GPM6A: variants seen among roughly 807,000 people sequenced by gnomAD.
GPM6A encodes the protein neuronal membrane glycoprotein M6-a.
A neutral mutation model predicts 32.1 loss-of-function variants in GPM6A; 7 were observed. That is an observed-to-expected ratio of 0.22 (90% CI 0.12 to 0.41). GPM6A has a LOEUF of 0.41. Among genes scored for constraint, GPM6A ranks in the 10% least tolerant of loss-of-function variants. The pLI is 1.00. For synonymous variants in GPM6A, 130 were observed against 123.4 expected, an observed-to-expected ratio of 1.05 and a Z score of -0.35; for missense variants, 235 against 347.2, an observed-to-expected ratio of 0.68 and a Z score of 2.57.
chr4:175,938,169 G>C (rs1739297336), intron 1 of GPM6A, among the ~76,000 whole-genome samples: 1 of 152,172 alleles, frequency 6.6e-6, no homozygotes, highest in South Asian at 2.1e-4. Context: ...TTTGATAGCA[G>C]AATAGGGTGA....
intron 5 of GPM6A, 53 bp from the exon 6 acceptor site, chr4:175,640,247 G>C: frequency 1.4e-6 from 2 of 1,413,706 alleles, no homozygotes; most frequent in South Asian, 2.3e-5. Flanking sequence ...AGGTAGAAGA[G>C]AAGTCAAGAT....
At chr4:175,947,908 C>A (rs560843847) in intron 1 of GPM6A, among the ~76,000 whole-genome samples, 1 of 152,058 alleles carries the variant, frequency 6.6e-6, no homozygotes, top group Non-Finnish European at 1.5e-5. Flanking sequence ...ACAGTAGGCA[C>A]TTGATAATTA....
At chr4:175,961,198 T>C (rs1485899548) in intron 1 of GPM6A, 1 of 152,198 alleles carries the variant, frequency 6.6e-6, no homozygotes, top group Non-Finnish European at 1.5e-5. Flanking sequence ...TATCATCCTC[T>C]CGAAATATGC....
intron 1 of GPM6A, among the ~76,000 whole-genome samples, chr4:175,903,760 G>T (rs1405474619): frequency 1.3e-5 from 2 of 152,098 alleles, no homozygotes; most frequent in Non-Finnish European, 2.9e-5. Context: ...AACAATGGTT[G>T]AGAAACTCTT....
At chr4:175,853,236 T>C (rs1225121126) in intron 1 of GPM6A, among the ~76,000 whole-genome samples, 2 of 152,104 alleles carry the variant, frequency 1.3e-5, no homozygotes, top group African/African-American at 4.8e-5. Flanking sequence ...CTAATACATA[T>C]TTAGAGTGAT....
At chr4:175,886,147 C>T (rs769825168) in intron 1 of GPM6A, among the ~76,000 whole-genome samples, 3 of 152,080 alleles carry the variant, frequency 2.0e-5, no homozygotes, top group Admixed American at 2.0e-4. Context: ...ATAAAACACA[C>T]TGTCTCAGAT....
At chr4:175,953,363 A>G (rs891379430) in intron 1 of GPM6A, among the ~76,000 whole-genome samples, 35 of 152,310 alleles carry the variant, frequency 2.3e-4, no homozygotes, top group African/African-American at 8.2e-4. Context: ...ATGACTCCGG[A>G]AATAGCATTT....
intron 2 of GPM6A, among the ~76,000 whole-genome samples, chr4:175,683,501 G>A (rs913589583): frequency 1.3e-5 from 2 of 152,058 alleles, no homozygotes; most frequent in African/African-American, 4.8e-5. Flanking sequence ...GTCCAGGAGT[G>A]GAGTGATATA....
rs192460904 is a variant in GPM6A at position 175,699,815 on chromosome 4, A to C, written c.230+1760T>G. Among the ~76,000 whole-genome samples the C allele has an allele frequency of 2.0e-3, 309 of 152,248 alleles. 2 individuals carry two copies. Among genetic ancestry groups the C allele is most frequent in the Non-Finnish European group, 2.1e-3 (141 of 68,018 alleles). The stretch of plus-strand genomic sequence containing the variant: ...TTTGCTATGTACTCTGTCCAGGGGT[A>C]TATGTTGTCCACCCACCCCCCAAAA... On this transcript the variant is annotated intron_variant, in intron 2 of 6. Transcript: ENST00000393658.
At chr4:175,984,043 A>T (rs1579686112) in intron 1 of GPM6A, among the ~76,000 whole-genome samples, 1 of 148,148 alleles carries the variant, frequency 6.8e-6, no homozygotes, top group African/African-American at 2.5e-5. Context: ...ACACACACTC[A>T]CACACACCTG....
chr4:175,884,508 G>A (rs984671032), intron 1 of GPM6A, among the ~76,000 whole-genome samples: 1 of 152,024 alleles, frequency 6.6e-6, no homozygotes, highest in African/African-American at 2.4e-5. Flanking sequence ...TATTTGTAAA[G>A]CATCATTTAT....
intron 1 of GPM6A, among the ~76,000 whole-genome samples, chr4:175,822,841 T>C (rs980243199): frequency 2.6e-5 from 4 of 152,130 alleles, no homozygotes; most frequent in African/African-American, 9.7e-5. Context: ...CCCCAGCCTC[T>C]GGCAGGCCCC....
chr4:175,992,885 A>AT (rs1741194133), intron 1 of GPM6A, among the ~76,000 whole-genome samples: 1 of 152,220 alleles, frequency 6.6e-6, no homozygotes, highest in African/African-American at 2.4e-5. Flanking sequence ...TAAAAAACTC[A>AT]AATGCCATCA....
In GPM6A at chr4:175,830,213, T is replaced by C. The variant is rs533357031; in HGVS notation, c.-22-17964A>G. Reference sequence around the variant, plus strand: ...GCTGGTCATGTGAGTTTGGGGCCCATGAGCTAGCAGTGATGAAAATCACTT... The same window carrying C: ...GCTGGTCATGTGAGTTTGGGGCCCACGAGCTAGCAGTGATGAAAATCACTT... On this transcript the variant is annotated intron_variant, in intron 1 of 7. Coordinates refer to the GPM6A transcript ENST00000280187. Among the ~76,000 whole-genome samples, 3 of 152,260 alleles carry C rather than the reference T, an allele frequency of 2.0e-5. No homozygotes were observed. The East Asian group carries it at 5.8e-4, about 29-fold the overall frequency.
At chr4:175,867,441 G>T (rs1736775342) in intron 1 of GPM6A, among the ~76,000 whole-genome samples, 1 of 152,014 alleles carries the variant, frequency 6.6e-6, no homozygotes, top group Admixed American at 6.6e-5. Context: ...AATAATGTAA[G>T]ATCTGTGCCT....
chr4:175,997,332 G>C (rs564966034), intron 1 of GPM6A, among the ~76,000 whole-genome samples: 49 of 152,140 alleles, frequency 3.2e-4, no homozygotes, highest in Non-Finnish European at 8.8e-5. Flanking sequence ...ACTCTTATCA[G>C]ACTTTGTGAT....
chr4:175,866,705 A>G (rs1016811384), intron 1 of GPM6A, among the ~76,000 whole-genome samples: 4 of 152,208 alleles, frequency 2.6e-5, no homozygotes, highest in African/African-American at 9.6e-5. Flanking sequence ...TTTGGAAATT[A>G]AGGATAAAGC....
intron 1 of GPM6A, among the ~76,000 whole-genome samples, chr4:175,791,092 A>AT (rs1181814439): frequency 3.9e-5 from 6 of 152,038 alleles, no homozygotes; most frequent in Admixed American, 2.0e-4. Context: ...CTAGAGTTCC[A>AT]TTTTTTTCAC....
intron 4 of GPM6A, among the ~76,000 whole-genome samples, chr4:175,643,175 T>C (rs956002568): frequency 6.6e-6 from 1 of 152,186 alleles, no homozygotes; most frequent in Non-Finnish European, 1.5e-5. Flanking sequence ...TACAATCATT[T>C]GCTAACTGGC....
Sources: allele counts gnomAD v4.1 joint callset (sites outside exome capture counted in the v4.1 genomes callset), GRCh38; gene constraint gnomAD v4.1.1; transcripts MANE v1.5; gene names NCBI Gene and HGNC (gene_info 2026-07-23, HGNC 2026-07-21).